The following QRFPR variants were observed in gnomAD, a reference collection of about 807,000 sequenced individuals.
QRFPR encodes pyroglutamylated RF-amide peptide receptor.
Under a neutral mutation model 31.3 loss-of-function variants are expected in QRFPR, and 37 were observed. The observed-to-expected ratio is 1.18, with a 90% CI of 0.91 to 1.56. The LOEUF is 1.56. QRFPR is among the 40% of genes most tolerant of loss of function. The probability of loss-of-function intolerance (pLI) is 0.00; values close to 1 mark genes in which losing one functional copy is unlikely to be tolerated. For synonymous variants in QRFPR, 197 were observed against 192.0 expected, an observed-to-expected ratio of 1.03 and a Z score of -0.22; for missense variants, 542 against 532.5, an observed-to-expected ratio of 1.02 and a Z score of -0.18.
rs535425510 is a variant in QRFPR at position 121,358,501 on chromosome 4, C to T, written c.341-17891G>A. On this transcript the variant is annotated intron_variant, in intron 1 of 5. Coordinates refer to ENST00000394427, the MANE Select transcript of QRFPR (RefSeq NM_198179.3). ...AAATGATAACTGAAAAGAATTCCAACTTCCATACATATTTTATTTATTAAT... is the reference window on the plus strand; with the variant it reads ...AAATGATAACTGAAAAGAATTCCAATTTCCATACATATTTTATTTATTAAT... Among the ~76,000 whole-genome samples, 38 of 152,294 alleles carry T rather than the reference C, an allele frequency of 2.5e-4. 1 individual carries two copies. The highest frequency in any genetic ancestry group is 1.2e-3 in the Admixed American group (18 of 15,290).
At chr4:121,331,811 C>T (rs1431641590) in intron 4 of QRFPR, among the ~76,000 whole-genome samples, 1 of 151,882 alleles carries the variant, frequency 6.6e-6, no homozygotes, top group Admixed American at 6.6e-5. Flanking sequence ...CACGACCACG[C>T]CTGGCTAATT....
At chr4:121,332,433 G>A (rs1057209884) in intron 4 of QRFPR, among the ~76,000 whole-genome samples, 1 of 152,160 alleles carries the variant, frequency 6.6e-6, no homozygotes, top group Non-Finnish European at 1.5e-5. Context: ...ATGTTATTAT[G>A]CTCCTTGTAC....
At chr4:121,349,727 A>G (rs6818011) in intron 1 of QRFPR, among the ~76,000 whole-genome samples, 2,312 of 152,352 alleles carry the variant, frequency 0.015, 17 homozygotes, top group Middle Eastern at 0.02. Context: ...TAACTAAAAC[A>G]TAGGAAAGCC....
At chr4:121,367,188 C>G (rs1050556982) in intron 1 of QRFPR, among the ~76,000 whole-genome samples, 7 of 149,866 alleles carry the variant, frequency 4.7e-5, no homozygotes, top group African/African-American at 1.7e-4. Context: ...AATTACGAGA[C>G]AGAGGCAGGG....
intron 1 of QRFPR, among the ~76,000 whole-genome samples, chr4:121,344,124 C>T (rs1244081500): frequency 6.6e-6 from 1 of 152,174 alleles, no homozygotes; most frequent in Non-Finnish European, 1.5e-5. Flanking sequence ...TTGGGGCTGA[C>T]ATGTTCTTTG....
intron 1 of QRFPR, among the ~76,000 whole-genome samples, chr4:121,370,536 G>T (rs1043086325): frequency 6.6e-6 from 1 of 152,186 alleles, no homozygotes; most frequent in African/African-American, 2.4e-5. Flanking sequence ...CCTGTGGCCG[G>T]GAGTCCGGCA....
intron 4 of QRFPR, among the ~76,000 whole-genome samples, chr4:121,331,622 CATTATTATTATTATTATTATT>C (rs59488750): frequency 1.4e-5 from 2 of 142,728 alleles, no homozygotes; most frequent in Non-Finnish European, 3.0e-5. Flanking sequence ...CTCATTATCT[CATTATTATTATTATTATTATT>C]ATTATTATTA....
At chr4:121,338,642 C>A (rs767451958) in intron 2 of QRFPR, among the ~76,000 whole-genome samples, 4 of 152,216 alleles carry the variant, frequency 2.6e-5, no homozygotes, top group Non-Finnish European at 4.4e-5. Flanking sequence ...TCTAGGCAAT[C>A]TCAGCTGGAA....
intron 1 of QRFPR, among the ~76,000 whole-genome samples, chr4:121,351,425 T>C (rs899637517): frequency 1.3e-5 from 2 of 152,308 alleles, no homozygotes; most frequent in Admixed American, 1.3e-4. Flanking sequence ...CTGGTATGTT[T>C]CTTCTAATTT....
chr4:121,333,146 T>C (rs1725368330), intron 3 of QRFPR, 90 bp from the exon 4 acceptor site: 1 of 802,546 alleles, frequency 1.2e-6, no homozygotes, highest in African/African-American at 1.7e-5. Context: ...CAACATTTTT[T>C]AAGTTCTTTC....
intron 1 of QRFPR, among the ~76,000 whole-genome samples, chr4:121,356,357 G>A (rs147272874): frequency 0.012 from 1,887 of 152,260 alleles, 22 homozygotes; most frequent in Non-Finnish European, 0.021. Context: ...CCTCAGAACA[G>A]TTATTTTGAA....
Position 121,330,649 on chromosome 4 carries a change from G to A in QRFPR, c.798-126C>T. 5 of 652,694 alleles carry A rather than the reference G, an allele frequency of 7.7e-6. No homozygotes were observed. The South Asian group carries it at 9.3e-5, about 12-fold the overall frequency. The allele number at this position is 652,694 out of a possible 1,614,324, so 40.4% of individuals were successfully genotyped here. A position where few individuals can be genotyped will look rare whatever the true frequency, so the allele number is the denominator to read the frequency against. On this transcript the variant is annotated intron_variant, in intron 4 of 5. Transcript: ENST00000394427. ...TAATTTTTAAATTAAGCTCACGATA[G>A]GTTATTCGTGGGCTGATTATCATCT...
At position 121,348,725 on chromosome 4, in the gene QRFPR, C is replaced by A. The variant is rs4296691; in HGVS notation, c.341-8115G>T. Among the ~76,000 whole-genome samples, 929 of 152,176 alleles carry A rather than the reference C, an allele frequency of 6.1e-3. 14 individuals carry two copies. The highest frequency in any genetic ancestry group is 0.022 in the African/African-American group (901 of 41,506). On this transcript the variant is annotated intron_variant, in intron 1 of 5. Transcript: ENST00000394427. ...CATCTGCCTTTAGAATGTTGAAGAC[C>A]TTACTTTATTGACTTTTAGCATCCA...
In QRFPR at chr4:121,329,425, G is replaced by T; in HGVS notation, c.1185C>A (p.Asn395Lys). 1.2e-6 allele frequency: 2 copies of T among 1,614,092 alleles called. No individual in the cohort carries two copies. Among genetic ancestry groups the T allele is most frequent in the Non-Finnish European group, 8.5e-7 (1 of 1,179,982 alleles). ...TCTGTTCACACAATTTGACTTCAAT[G>T]TTGCCATCACTGAATGCTTCTCCTT... Reference protein sequence around the residue: ...ETKGEAFSDGNIEVKLCEQTE... With the variant: ...ETKGEAFSDGKIEVKLCEQTE... The change falls in exon 6 of 6, where the codon AAC (asparagine) becomes AAA (lysine). Residue 395 changes from asparagine (N) to lysine (K), a missense_variant. By Grantham distance (94) the Asn-to-Lys change is moderately conservative. Coordinates refer to ENST00000394427, the MANE Select transcript of QRFPR (RefSeq NM_198179.3).
intron 1 of QRFPR, among the ~76,000 whole-genome samples, chr4:121,361,779 C>T (rs1386538552): frequency 4.0e-5 from 6 of 149,908 alleles, no homozygotes; most frequent in Non-Finnish European, 7.4e-5. Flanking sequence ...ATTTTTTTCA[C>T]GAGGTAACTA....
At chr4:121,369,684 T>C in intron 1 of QRFPR, 1 of 1,582,736 alleles carries the variant, frequency 6.3e-7, no homozygotes, top group Non-Finnish European at 8.7e-7. Context: ...AGGCCCCACT[T>C]ATCTGACAAG....
chr4:121,332,003 G>A (rs1332924399), intron 4 of QRFPR, among the ~76,000 whole-genome samples: 1 of 152,068 alleles, frequency 6.6e-6, no homozygotes, highest in African/African-American at 2.4e-5. Context: ...TAAGTGGGAG[G>A]AACCAACTTA....
rs180851955 is a variant in QRFPR, at chr4:121,329,468, T to C, written c.1142A>G (p.Asn381Ser). 175 of 1,614,190 alleles carry C rather than the reference T, an allele frequency of 1.1e-4. 1 individual carries two copies. The East Asian group carries it at 3.1e-3, about 29-fold the overall frequency. Reference sequence around the variant, plus strand: ...TTCTCCTTTGGTTTCCTCCACTGGATTCTCTCTGAGGGAAAACTTTGCTTT... The same window carrying C: ...TTCTCCTTTGGTTTCCTCCACTGGACTCTCTCTGAGGGAAAACTTTGCTTT... Reference protein sequence around the residue: ...RKKAKFSLRENPVEETKGEAF... With the variant: ...RKKAKFSLRESPVEETKGEAF... The change falls in exon 6 of 6, where the codon AAT becomes AGT. Residue 381 changes from asparagine (N) to serine (S), a missense_variant. By Grantham distance (46) the Asn-to-Ser change is conservative. Coordinates refer to ENST00000394427, the MANE Select transcript of QRFPR (RefSeq NM_198179.3).
intron 1 of QRFPR, among the ~76,000 whole-genome samples, chr4:121,370,755 A>G (rs1280307330): frequency 6.6e-6 from 1 of 152,238 alleles, no homozygotes; most frequent in African/African-American, 2.4e-5. Flanking sequence ...GGGACTTTAA[A>G]ATGAGATTGC....
Sources: gnomAD v4.1 joint callset for allele counts (sites outside exome capture counted in the v4.1 genomes callset) on GRCh38, gnomAD v4.1.1 for gene constraint, MANE v1.5 for transcripts, NCBI Gene and HGNC (gene_info 2026-07-23, HGNC 2026-07-21) for gene names.